The following ZDHHC15 variants were observed in gnomAD, a reference collection of about 807,000 sequenced individuals.
ZDHHC15 encodes the protein palmitoyltransferase ZDHHC15.
ZDHHC15 carries 19 observed loss-of-function variants against 31.7 expected under a neutral mutation model. The ratio of observed to expected loss-of-function variants is 0.60; its 90% CI spans 0.42 to 0.88. The LOEUF (loss-of-function observed/expected upper bound fraction) is 0.88, where lower values mean the gene tolerates loss of function less well. Among genes scored for constraint, ZDHHC15 ranks in the 40% least tolerant of loss-of-function variants. The pLI, the probability that ZDHHC15 is intolerant of heterozygous loss-of-function variation, is 0.00. For synonymous variants in ZDHHC15, 103 were observed against 90.0 expected (o/e 1.14, Z -0.82); for missense variants, 209 against 251.2 (o/e 0.83, Z 1.14).
intron 1 of ZDHHC15, among the ~76,000 whole-genome samples, chrX:75,518,798 TATATATATACAC>T (rs1344081928): frequency 7.0e-4 from 19 of 27,273 alleles, no homozygotes; most frequent in Non-Finnish European, 8.9e-4. Context: ...TATATATATA[TATATATATACAC>T]ACACACACAC....
intron 4 of ZDHHC15, among the ~76,000 whole-genome samples, chrX:75,442,524 A>T (rs897760762): frequency 6.3e-5 from 7 of 111,837 alleles, no homozygotes; most frequent in Non-Finnish European, 1.3e-4. Flanking sequence ...CAGAGAGCCA[A>T]ATCATGAGTG....
chrX:75,481,066 T>C (rs2084681834), intron 2 of ZDHHC15, among the ~76,000 whole-genome samples: 1 of 111,451 alleles, frequency 9.0e-6, no homozygotes, highest in African/African-American at 3.3e-5. Context: ...CTTTGTGAAG[T>C]GTTATCATAC....
intron 2 of ZDHHC15, among the ~76,000 whole-genome samples, chrX:75,489,687 TCC>T (rs779162670): frequency 1.8e-5 from 2 of 111,848 alleles, no homozygotes; most frequent in Non-Finnish European, 3.8e-5. Context: ...AGAGGACCTC[TCC>T]TCCTCCAAAG....
At chrX:75,451,904 C>G (rs1374588193) in intron 3 of ZDHHC15, among the ~76,000 whole-genome samples, 1 of 111,563 alleles carries the variant, frequency 9.0e-6, no homozygotes, top group African/African-American at 3.3e-5. Context: ...AAAGAAACAA[C>G]TGGTACCAGC....
At chrX:75,427,023 A>G (rs1191714255) in intron 7 of ZDHHC15, among the ~76,000 whole-genome samples, 1 of 112,232 alleles carries the variant, frequency 8.9e-6, no homozygotes, top group East Asian at 2.8e-4. Flanking sequence ...GTAAAGTACC[A>G]TACAAATGAA....
At chrX:75,413,271 CTT>C (rs2083506326) in intron 10 of ZDHHC15, among the ~76,000 whole-genome samples, 1 of 112,014 alleles carries the variant, frequency 8.9e-6, no homozygotes, top group Non-Finnish European at 1.9e-5. Flanking sequence ...CTGCTGGAGT[CTT>C]TGTCAATGTT....
In ZDHHC15 at chrX:75,478,804, T is replaced by A. The variant is rs189317540; in HGVS notation, c.258+87A>T. 2.4e-4 allele frequency: 166 copies of A among 683,901 alleles called. 2 individuals are homozygous for A. In the East Asian group the frequency reaches 3.7e-3, roughly 15 times the overall value. The allele number at this position is 683,901 out of a possible 1,213,427, so 56.4% of individuals were successfully genotyped here. A position where few individuals can be genotyped will look rare whatever the true frequency, so the allele number is the denominator to read the frequency against. On this transcript the variant is annotated intron_variant, in intron 3 of 11. Transcript: ENST00000373367. The stretch of plus-strand genomic sequence containing the variant: ...GATTACCCTGACTCTTTCGTATTAT[T>A]TACTCCTCTTTTTGTCCTCTTCTTG...
chrX:75,434,222 A>G (rs1461182681), intron 4 of ZDHHC15, among the ~76,000 whole-genome samples: 2 of 111,336 alleles, frequency 1.8e-5, no homozygotes, highest in Non-Finnish European at 3.8e-5. Context: ...GGTTCCTTGT[A>G]GATTCTGGAT....
chrX:75,392,535 A>T (rs1165919598), intron 10 of ZDHHC15, among the ~76,000 whole-genome samples: 3 of 112,035 alleles, frequency 2.7e-5, no homozygotes, highest in Non-Finnish European at 3.8e-5. Context: ...GAACCCATAC[A>T]CATCTCCTGA....
chrX:75,466,909 C>A (rs1298565094), intron 3 of ZDHHC15, among the ~76,000 whole-genome samples: 1 of 106,306 alleles, frequency 9.4e-6, no homozygotes, highest in African/African-American at 3.4e-5. Context: ...GGGGGAGGGA[C>A]AGCATCAGGA....
At chrX:75,431,199 C>T (rs973755339) in intron 5 of ZDHHC15, among the ~76,000 whole-genome samples, 3 of 112,208 alleles carry the variant, frequency 2.7e-5, no homozygotes, top group Non-Finnish European at 5.6e-5. Context: ...ACTATCTTCA[C>T]AATAAATCTG....
intron 10 of ZDHHC15, among the ~76,000 whole-genome samples, chrX:75,386,577 G>A (rs771890296): frequency 4.5e-5 from 5 of 110,575 alleles, no homozygotes; most frequent in Non-Finnish European, 9.5e-5. Context: ...GGGCTCAAGC[G>A]ATCCTCCCAC....
At chrX:75,449,197 TCTATACAC>T (rs58806434) in intron 4 of ZDHHC15, among the ~76,000 whole-genome samples, 2,396 of 36,051 alleles carry the variant, frequency 0.066, 127 homozygotes, top group Admixed American at 0.26. Flanking sequence ...TCTCTCTCTC[TCTATACAC>T]ACACACACAC....
At chrX:75,431,607 A>T in intron 4 of ZDHHC15, 87 bp from the exon 5 acceptor site, 5 of 802,240 alleles carry the variant, frequency 6.2e-6, no homozygotes, top group Non-Finnish European at 8.8e-6. Flanking sequence ...ATGACTTGTT[A>T]TGCACTGATT....
intron 10 of ZDHHC15, among the ~76,000 whole-genome samples, chrX:75,416,402 T>C (rs1445957673): frequency 8.9e-6 from 1 of 112,116 alleles, no homozygotes; most frequent in Non-Finnish European, 1.9e-5. Context: ...AACTACTTTC[T>C]AATGGTTGGT....
At chrX:75,383,448 G>T (rs1053499545) in intron 10 of ZDHHC15, among the ~76,000 whole-genome samples, 5 of 110,993 alleles carry the variant, frequency 4.5e-5, no homozygotes, top group African/African-American at 1.3e-4. Flanking sequence ...TTAGCTTGGG[G>T]TCTTGTGCAC....
At position 75,416,991 on chromosome X, in the gene ZDHHC15, G is replaced by A. The variant is rs145388176; in HGVS notation, c.967+96C>T. 3.5e-4 allele frequency: 239 copies of A among 677,550 alleles called. 1 individual carries two copies. The East Asian group carries it at 7.2e-3, about 20-fold the overall frequency. 55.8% of individuals were successfully genotyped at this position (677,550 alleles called of 1,213,427 possible). On this transcript the variant is annotated intron_variant, in intron 10 of 11. Transcript: ENST00000373367. The stretch of plus-strand genomic sequence containing the variant: ...TCCACCATCCAGAGGACACTTATGA[G>A]GTTGACATGCTTATAAAATCTTTCT...
chrX:75,455,061 A>G (rs1404433844), intron 3 of ZDHHC15, among the ~76,000 whole-genome samples: 3 of 111,799 alleles, frequency 2.7e-5, no homozygotes, highest in African/African-American at 6.5e-5. Flanking sequence ...AATTGCCAAG[A>G]CAATCCTAAG....
chrX:75,495,871 T>A (rs1413230424), intron 2 of ZDHHC15, among the ~76,000 whole-genome samples: 1 of 105,728 alleles, frequency 9.5e-6, no homozygotes, highest in Non-Finnish European at 1.9e-5. Context: ...ACATGGCACA[T>A]CTATACATAT....
Sources: allele counts gnomAD v4.1 joint callset (sites outside exome capture counted in the v4.1 genomes callset), GRCh38; gene constraint gnomAD v4.1.1; transcripts MANE v1.5; gene names NCBI Gene and HGNC (gene_info 2026-07-23, HGNC 2026-07-21).